ZFHX4: variants seen among roughly 807,000 people sequenced by gnomAD.
ZFHX4 encodes zinc finger homeobox 4, also known as zinc finger homeobox protein 4.
A neutral mutation model predicts 267.6 loss-of-function variants in ZFHX4; 56 were observed. The ratio of observed to expected loss-of-function variants is 0.21; its 90% CI spans 0.17 to 0.26. The LOEUF (loss-of-function observed/expected upper bound fraction) is 0.26. Among genes scored for constraint, ZFHX4 ranks in the 10% least tolerant of loss-of-function variants. The probability of loss-of-function intolerance (pLI) is 1.00; values close to 1 mark genes in which losing one functional copy is unlikely to be tolerated. For missense variants in ZFHX4, 4,332 were observed against 4,420.0 expected, an observed-to-expected ratio of 0.98 and a Z score of 0.56; for synonymous variants, 1,778 against 1,665.6, an observed-to-expected ratio of 1.07 and a Z score of -1.64.
At chr8:76,724,886 C>A (rs1421588592) in intron 3 of ZFHX4, among the ~76,000 whole-genome samples, 1 of 152,012 alleles carries the variant, frequency 6.6e-6, no homozygotes, top group Non-Finnish European at 1.5e-5. Context: ...TTCAGTTTTT[C>A]ATTTCCTTGC....
intron 3 of ZFHX4, among the ~76,000 whole-genome samples, chr8:76,750,332 A>C (rs898752444): frequency 6.6e-6 from 1 of 152,132 alleles, no homozygotes; most frequent in Non-Finnish European, 1.5e-5. Flanking sequence ...TGAAGTAAAA[A>C]ATTTGTAAAA....
chr8:76,708,118 AC>A (rs1161443177), intron 3 of ZFHX4, 70 bp downstream of exon 3: 1 of 1,588,032 alleles, frequency 6.3e-7, no homozygotes, highest in Admixed American at 1.7e-5. Flanking sequence ...AGCTTGGAGC[AC>A]AAGTCTCCAA....
At chr8:76,696,475 T>C (rs1807959516) in intron 1 of ZFHX4, among the ~76,000 whole-genome samples, 1 of 152,046 alleles carries the variant, frequency 6.6e-6, no homozygotes, top group South Asian at 2.1e-4. Flanking sequence ...TCAAGTTTGT[T>C]TGAAAAGGGA....
chr8:76,702,714 A>G (rs1808136151), intron 1 of ZFHX4, among the ~76,000 whole-genome samples: 1 of 152,200 alleles, frequency 6.6e-6, no homozygotes, highest in Non-Finnish European at 1.5e-5. Flanking sequence ...AAGTGTTGAT[A>G]CTTTTAAATT....
intron 4 of ZFHX4, among the ~76,000 whole-genome samples, chr8:76,815,851 C>A (rs1480303704): frequency 6.6e-6 from 1 of 152,130 alleles, no homozygotes; most frequent in African/African-American, 2.4e-5. Flanking sequence ...CCTGTTAATA[C>A]CATTACCTTG....
At chr8:76,808,731 A>C (rs987520890) in intron 4 of ZFHX4, among the ~76,000 whole-genome samples, 1 of 152,182 alleles carries the variant, frequency 6.6e-6, no homozygotes, top group Non-Finnish European at 1.5e-5. Context: ...GTTTAAATGC[A>C]ATCAATAGCC....
At chr8:76,740,878 T>A (rs759137374) in intron 3 of ZFHX4, among the ~76,000 whole-genome samples, 1 of 152,104 alleles carries the variant, frequency 6.6e-6, no homozygotes, top group Non-Finnish European at 1.5e-5. Context: ...GTGTGTGAAG[T>A]TTTTACAGGA....
chr8:76,825,615 A>G (rs1685917452), intron 4 of ZFHX4, among the ~76,000 whole-genome samples: 1 of 152,246 alleles, frequency 6.6e-6, no homozygotes, highest in South Asian at 2.1e-4. Flanking sequence ...TTAAGAAAGA[A>G]TTGACCATTA....
At position 76,851,261 on chromosome 8, in the gene ZFHX4, G is replaced by A; in HGVS notation, c.4340G>A (p.Gly1447Asp). Reference protein sequence around the residue: ...FQALKKHLEAGHPELSEAELQ... With the variant: ...FQALKKHLEADHPELSEAELQ... Reference sequence around the variant, plus strand: ...GCTTTAAAAAAACACTTGGAAGCAGGCCACCCTGAACTGAGTGAAGCTGAA... The same window carrying A: ...GCTTTAAAAAAACACTTGGAAGCAGACCACCCTGAACTGAGTGAAGCTGAA... Residue 1447 changes from glycine to aspartate, a missense_variant, in exon 10 of 11, where the codon GGC (glycine) becomes GAC (aspartate). Gly to Asp is a moderately conservative substitution (Grantham distance 94, BLOSUM62 -1). This residue lies in a region of ZFHX4 where 1,371 missense variants were observed against 1,423.1 expected (regional missense o/e 0.96). Transcript: ENST00000651372. 1.2e-6 allele frequency: 2 copies of A among 1,613,818 alleles called. No individual in the cohort carries two copies. The highest frequency in any genetic ancestry group is 1.7e-5 in the Admixed American group (1 of 60,006).
At chr8:76,741,013 T>C (rs369317817) in intron 3 of ZFHX4, among the ~76,000 whole-genome samples, 4 of 152,084 alleles carry the variant, frequency 2.6e-5, no homozygotes, top group African/African-American at 9.7e-5. Flanking sequence ...AAACCAGGCA[T>C]GCATGGAAGT....
At chr8:76,693,820 CA>C (rs1389029855) in intron 1 of ZFHX4, among the ~76,000 whole-genome samples, 1 of 152,112 alleles carries the variant, frequency 6.6e-6, no homozygotes, top group Non-Finnish European at 1.5e-5. Context: ...TATGGCTTGC[CA>C]GAAGTTGCTG....
chr8:76,785,493 A>T (rs779996745), intron 4 of ZFHX4, among the ~76,000 whole-genome samples: 1 of 152,126 alleles, frequency 6.6e-6, no homozygotes, highest in Non-Finnish European at 1.5e-5. Flanking sequence ...TTTTAGAATA[A>T]ATGTTATAAA....
intron 4 of ZFHX4, among the ~76,000 whole-genome samples, chr8:76,824,406 C>T (rs948665620): frequency 6.6e-5 from 10 of 151,904 alleles, no homozygotes; most frequent in Admixed American, 5.2e-4. Context: ...TGAGATTGTT[C>T]GTATCTTCTC....
At chr8:76,806,874 G>A (rs999774885) in intron 4 of ZFHX4, among the ~76,000 whole-genome samples, 8 of 151,988 alleles carry the variant, frequency 5.3e-5, no homozygotes, top group African/African-American at 1.4e-4. Flanking sequence ...TTAAATTAAA[G>A]TGAATCCCCT....
In ZFHX4 at chr8:76,836,006, A is replaced by G. The variant is rs901930681; in HGVS notation, c.3394+2600A>G. On this transcript the variant is annotated intron_variant, in intron 5 of 10. Coordinates refer to ENST00000651372, the MANE Select transcript of ZFHX4 (RefSeq NM_024721.5). ...TTGTTCTCCTCTTTTCTCCATCTCA[A>G]TTGATGACATCACACCGTAGACTTA... Among the ~76,000 whole-genome samples the G allele has an allele frequency of 3.3e-5, 5 of 152,258 alleles. No individual in the cohort carries two copies. The South Asian group carries it at 8.3e-4, about 25-fold the overall frequency.
rs76166578 is a variant in ZFHX4 at position 76,800,900 on chromosome 8, G to A, written c.3325+22461G>A. Among the ~76,000 whole-genome samples the A allele has an allele frequency of 7.9e-3, 1,195 of 152,198 alleles. 16 individuals are homozygous for A. Among genetic ancestry groups the A allele is most frequent in the African/African-American group, 0.028 (1,157 of 41,544 alleles). ...CCACTTTTGTTGAAGGCCACAGTTC[G>A]GCCTCTCGAGCCTTCTAAGCCTTGG... On this transcript the variant is annotated intron_variant, in intron 4 of 10. Transcript: ENST00000651372.
intron 3 of ZFHX4, among the ~76,000 whole-genome samples, chr8:76,764,203 T>C (rs1809993683): frequency 6.6e-6 from 1 of 152,152 alleles, no homozygotes; most frequent in Admixed American, 6.5e-5. Context: ...TCAAAGGAAA[T>C]TGCCAATACA....
intron 1 of ZFHX4, among the ~76,000 whole-genome samples, chr8:76,702,490 A>C (rs1020722559): frequency 6.6e-6 from 1 of 152,160 alleles, no homozygotes; most frequent in Non-Finnish European, 1.5e-5. Flanking sequence ...AACATTTTAA[A>C]AGGGATTTCT....
Position 76,842,770 on chromosome 8 carries a change from T to G in ZFHX4, c.3510T>G (p.Ser1170=), listed in dbSNP as rs1389620831. The part of the protein sequence containing the change: ...NSEGKNSNKD[S]GIITPEKELK... ...AAGGCAAAAACTCTAATAAAGACTC[T>G]GGTAAGATGCAAGAATCTTTCACCT... The change falls in exon 6 of 11, where the codon TCT becomes TCG. Residue 1170 remains serine (S), a splice_region_variant and synonymous_variant. Transcript: ENST00000651372. 1.3e-6 allele frequency: 2 copies of G among 1,547,110 alleles called. No homozygotes were observed. Among genetic ancestry groups the G allele is most frequent in the Non-Finnish European group, 1.7e-6 (2 of 1,143,296 alleles).
Sources: gnomAD v4.1 joint callset for allele counts (sites outside exome capture counted in the v4.1 genomes callset) on GRCh38, gnomAD v4.1.1 for gene constraint, gnomAD v4.1.1 regional missense constraint, MANE v1.5 for transcripts, NCBI Gene and HGNC (gene_info 2026-07-23, HGNC 2026-07-21) for gene names.